The following RAB3B variants were observed in gnomAD, a reference collection of about 807,000 sequenced individuals.
The protein encoded by RAB3B is RAB3B, member RAS oncogene family.
In RAB3B, 11 loss-of-function variants were observed where a neutral mutation model predicts 20.5. The observed-to-expected ratio is 0.54, with a 90% confidence interval of 0.34 to 0.89. RAB3B has a LOEUF of 0.89. Ranked by LOEUF, RAB3B falls within the 40% of genes least tolerant of loss-of-function variation. RAB3B has a pLI of 0.02. For synonymous variants in RAB3B, 99 were observed against 106.3 expected, an observed-to-expected ratio of 0.93 and a Z score of 0.42; for missense variants, 225 against 280.9, an observed-to-expected ratio of 0.80 and a Z score of 1.42.
intron 1 of RAB3B, among the ~76,000 whole-genome samples, chr1:51,989,148 T>C (rs1341298886): frequency 1.1e-5 from 1 of 94,282 alleles, no homozygotes. Context: ...CTCCTTTTAC[T>C]GTCTCCCACC....
chr1:51,956,462 T>C (rs1050471355), intron 2 of RAB3B, among the ~76,000 whole-genome samples: 2 of 152,176 alleles, frequency 1.3e-5, no homozygotes, highest in African/African-American at 2.4e-5. Flanking sequence ...CCCTAAGTTA[T>C]ACTGCCTGCT....
chr1:51,977,356 T>C (rs996696080), intron 1 of RAB3B, among the ~76,000 whole-genome samples: 2 of 152,244 alleles, frequency 1.3e-5, no homozygotes, highest in Non-Finnish European at 2.9e-5. Flanking sequence ...AGCACATTGA[T>C]CTGGGGCAAG....
chr1:51,953,677 TG>T (rs1684670263), intron 2 of RAB3B, among the ~76,000 whole-genome samples: 1 of 152,190 alleles, frequency 6.6e-6, no homozygotes, highest in African/African-American at 2.4e-5. Context: ...GGCGCACGCC[TG>T]TAGTCCCAGC....
chr1:51,941,276 C>T (rs1379696076), intron 2 of RAB3B, among the ~76,000 whole-genome samples: 1 of 152,076 alleles, frequency 6.6e-6, no homozygotes, highest in Non-Finnish European at 1.5e-5. Flanking sequence ...CTAGAAAGAG[C>T]TCTGAATACT....
chr1:51,983,083 G>A (rs1447858458), intron 1 of RAB3B, among the ~76,000 whole-genome samples: 1 of 152,144 alleles, frequency 6.6e-6, no homozygotes, highest in Non-Finnish European at 1.5e-5. Context: ...CCTGGGTGCA[G>A]TGGCTCACAC....
At chr1:51,931,492 G>A (rs1039516111) in intron 4 of RAB3B, among the ~76,000 whole-genome samples, 2 of 152,128 alleles carry the variant, frequency 1.3e-5, no homozygotes, top group African/African-American at 2.4e-5. Context: ...TAGGCACTCA[G>A]GAAGTCTTCA....
chr1:51,977,737 C>T (rs1209381432), intron 1 of RAB3B, among the ~76,000 whole-genome samples: 4 of 152,064 alleles, frequency 2.6e-5, no homozygotes, highest in African/African-American at 4.8e-5. Context: ...AGGAGTTCGA[C>T]GCTGCAGGGA....
At chr1:51,943,179 G>A (rs1056615313) in intron 2 of RAB3B, among the ~76,000 whole-genome samples, 1 of 152,066 alleles carries the variant, frequency 6.6e-6, no homozygotes, top group Non-Finnish European at 1.5e-5. Flanking sequence ...AGGTCAGGAG[G>A]TTGAGACCAG....
At chr1:51,943,542 C>T (rs1490641909) in intron 2 of RAB3B, among the ~76,000 whole-genome samples, 3 of 152,060 alleles carry the variant, frequency 2.0e-5, no homozygotes, top group Non-Finnish European at 2.9e-5. Context: ...TGAGATGGGC[C>T]GAAAGCTAGG....
intron 2 of RAB3B, among the ~76,000 whole-genome samples, chr1:51,942,191 C>T (rs564356882): frequency 5.5e-4 from 83 of 152,254 alleles, no homozygotes; most frequent in African/African-American, 1.8e-3. Flanking sequence ...GATTTCTGAG[C>T]GCCTGCACTG....
In RAB3B at chr1:51,910,550, T is replaced by C. The variant is rs1338813933; in HGVS notation, c.*9377A>G. Reference sequence around the variant, plus strand: ...CTGGCAGCCTCAGAAACCAGGACCATACGCCTGGCTAAGTGATGAGGGGGT... The same window carrying C: ...CTGGCAGCCTCAGAAACCAGGACCACACGCCTGGCTAAGTGATGAGGGGGT... On this transcript the variant is annotated 3_prime_UTR_variant, in exon 5 of 5. Transcript: ENST00000371655. The C allele has an allele frequency of 1.3e-5, 2 of 152,172 alleles. No individual in the cohort carries two copies. The highest frequency in any genetic ancestry group is 3.8e-4 in the East Asian group (2 of 5,202). The allele number at this position is 152,172 out of a possible 1,614,324, so 9.4% of individuals were successfully genotyped here.
At position 51,916,059 on chromosome 1, in the gene RAB3B, A is replaced by G. The variant is rs1287121720; in HGVS notation, c.*3868T>C. The G allele has an allele frequency of 6.6e-6, 1 of 152,256 alleles. No homozygotes were observed. The highest frequency in any genetic ancestry group is 2.4e-5 in the African/African-American group (1 of 41,464). 9.4% of individuals were successfully genotyped at this position (152,256 alleles called of 1,614,324 possible). ...AAGATTAAATCCAGGACAAGTTGCC[A>G]CTAACACATATTACACAGCTTGAAC... On this transcript the variant is annotated 3_prime_UTR_variant, in exon 5 of 5. Coordinates refer to ENST00000371655, the MANE Select transcript of RAB3B (RefSeq NM_002867.4).
chr1:51,975,348 T>C (rs1684993975), intron 2 of RAB3B, among the ~76,000 whole-genome samples: 1 of 152,232 alleles, frequency 6.6e-6, no homozygotes, highest in Non-Finnish European at 1.5e-5. Flanking sequence ...ATCTAAAATA[T>C]GTGCATAATT....
chr1:51,940,786 A>AT lies in RAB3B; in HGVS notation c.229-3375dup, dbSNP rs1223358252. Among the ~76,000 whole-genome samples the AT allele has an allele frequency of 4.6e-5, 7 of 152,188 alleles. No homozygotes were observed. The East Asian group carries it at 1.4e-3, about 29-fold the overall frequency. On this transcript the variant is annotated intron_variant, in intron 2 of 4. Transcript: ENST00000371655. Reference sequence around the variant, plus strand: ...TCAGTAGCTTAAACAACAAGGTTTTATTTTTTATTATTATTACATATCCAT... The same window carrying AT: ...TCAGTAGCTTAAACAACAAGGTTTTATTTTTTTATTATTATTACATATCCAT...
chr1:51,985,565 T>A (rs150452010), intron 1 of RAB3B, among the ~76,000 whole-genome samples: 1 of 152,328 alleles, frequency 6.6e-6, no homozygotes, highest in East Asian at 1.9e-4. Context: ...GCTTTCCCAG[T>A]AACTCAGTGT....
In RAB3B at chr1:51,920,000, G is replaced by A. The variant is rs368797055; in HGVS notation, c.587C>T (p.Ser196Leu). The A allele has an allele frequency of 8.7e-6, 14 of 1,614,038 alleles. No individual in the cohort carries two copies. In the East Asian group the frequency reaches 1.3e-4, roughly 15 times the overall value. Residue 196 changes from serine to leucine, a missense_variant, in exon 5 of 5, where the codon TCG (serine) becomes TTG (leucine). Coordinates refer to ENST00000371655, the MANE Select transcript of RAB3B (RefSeq NM_002867.4). ...KMSDSLDTDPSMLGSSKNTRL... is the reference protein window; with the variant it reads ...KMSDSLDTDPLMLGSSKNTRL... ...CGTGTTCTTGGAGGAGCCCAGCATCGACGGGTCTGTGTCCAGCGAATCAGA... is the reference window on the plus strand; with the variant it reads ...CGTGTTCTTGGAGGAGCCCAGCATCAACGGGTCTGTGTCCAGCGAATCAGA...
chr1:51,984,263 T>TAAAAAAAA (rs1166997647), intron 1 of RAB3B, among the ~76,000 whole-genome samples: 6 of 20,676 alleles, frequency 2.9e-4, no homozygotes, highest in Admixed American at 1.1e-3. Context: ...ACTCTCTAAT[T>TAAAAAAAA]AAAAAAAAAA....
In RAB3B at chr1:51,911,840, C is replaced by T. The variant is rs1345020097; in HGVS notation, c.*8087G>A. 1 of 152,134 alleles carries T rather than the reference C, an allele frequency of 6.6e-6. No homozygotes were observed. 9.4% of individuals were successfully genotyped at this position (152,134 alleles called of 1,614,324 possible). On this transcript the variant is annotated 3_prime_UTR_variant, in exon 5 of 5. Transcript: ENST00000371655. ...TAGGGAAGGATTCTGATGGGCCCTG[C>T]TTGATCACATGCTCCGTTTATTGAC...
intron 2 of RAB3B, among the ~76,000 whole-genome samples, chr1:51,957,037 A>C (rs1268309422): frequency 6.6e-6 from 1 of 152,124 alleles, no homozygotes; most frequent in Non-Finnish European, 1.5e-5. Context: ...AAAATCTTCT[A>C]GTGGTTTTTA....
Sources: allele counts gnomAD v4.1 joint callset (sites outside exome capture counted in the v4.1 genomes callset), GRCh38; gene constraint gnomAD v4.1.1; transcripts MANE v1.5; gene names NCBI Gene and HGNC (gene_info 2026-07-23, HGNC 2026-07-21).